ERC2: variants seen among roughly 807,000 people sequenced by gnomAD.
ERC2 encodes the protein ERC protein 2.
Under a neutral mutation model 114.8 loss-of-function variants are expected in ERC2, and 42 were observed. The observed-to-expected ratio is 0.37, with a 90% CI of 0.29 to 0.47. The LOEUF (loss-of-function observed/expected upper bound fraction) is 0.47. ERC2 is among the 20% of genes least tolerant of loss of function. The probability of loss-of-function intolerance (pLI) is 0.99; values close to 1 mark genes in which losing one functional copy is unlikely to be tolerated. For synonymous variants in ERC2, 454 were observed against 425.5 expected, an observed-to-expected ratio of 1.07 and a Z score of -0.82; for missense variants, 939 against 1,150.7, an observed-to-expected ratio of 0.82 and a Z score of 2.66.
chr3:56,057,686 A>T (rs910466825), intron 7 of ERC2, among the ~76,000 whole-genome samples: 1 of 152,226 alleles, frequency 6.6e-6, no homozygotes, highest in African/African-American at 2.4e-5. Flanking sequence ...ACATGTATTG[A>T]TTAAGCTCCT....
chr3:55,863,710 A>G (rs1401861020), intron 14 of ERC2, among the ~76,000 whole-genome samples: 1 of 152,184 alleles, frequency 6.6e-6, no homozygotes, highest in Non-Finnish European at 1.5e-5. Flanking sequence ...CCACATCATA[A>G]AAGTAAAAAG....
intron 8 of ERC2, among the ~76,000 whole-genome samples, chr3:56,015,092 T>A (rs1279439385): frequency 6.6e-6 from 1 of 152,154 alleles, no homozygotes; most frequent in Non-Finnish European, 1.5e-5. Context: ...TCCTCCATGG[T>A]TTTTTTAGCA....
intron 7 of ERC2, among the ~76,000 whole-genome samples, chr3:56,023,660 ATGAG>A (rs1386201981): frequency 6.6e-6 from 1 of 152,114 alleles, no homozygotes; most frequent in Non-Finnish European, 1.5e-5. Flanking sequence ...CAACTTGGCC[ATGAG>A]CACAATGAAG....
At chr3:56,001,618 T>C (rs555340407) in intron 10 of ERC2, among the ~76,000 whole-genome samples, 5 of 152,252 alleles carry the variant, frequency 3.3e-5, no homozygotes, top group African/African-American at 4.8e-5. Context: ...GAAGTAAAAG[T>C]TGATGATGCC....
chr3:56,304,282 G>A (rs536248301), intron 2 of ERC2, among the ~76,000 whole-genome samples: 2 of 152,156 alleles, frequency 1.3e-5, no homozygotes, highest in African/African-American at 4.8e-5. Flanking sequence ...GTACACATAG[G>A]AAATATTTAA....
chr3:55,603,756 C>G (rs1575733768), intron 17 of ERC2, among the ~76,000 whole-genome samples: 1 of 151,136 alleles, frequency 6.6e-6, no homozygotes. Context: ...TCCTGAGATA[C>G]AGTATTTTCA....
At chr3:56,207,201 T>C (rs987525766) in intron 3 of ERC2, among the ~76,000 whole-genome samples, 13 of 152,140 alleles carry the variant, frequency 8.5e-5, no homozygotes, top group African/African-American at 3.1e-4. Context: ...TTTATGATAA[T>C]ATTATGTCTA....
chr3:56,429,317 A>C (rs1034262655), intron 2 of ERC2, among the ~76,000 whole-genome samples: 1 of 152,198 alleles, frequency 6.6e-6, no homozygotes, highest in African/African-American at 2.4e-5. Flanking sequence ...AAAAATAATA[A>C]GGGGCTACCT....
Position 56,334,961 on chromosome 3 carries a change from T to C in ERC2, c.658-38526A>G, listed in dbSNP as rs560394836. Among the ~76,000 whole-genome samples, 30 of 152,290 alleles carry C rather than the reference T, an allele frequency of 2.0e-4. 1 individual carries two copies. Among genetic ancestry groups the C allele is most frequent in the Admixed American group, 1.9e-3 (29 of 15,304 alleles). On this transcript the variant is annotated intron_variant, in intron 2 of 17. Coordinates refer to ENST00000288221, the MANE Select transcript of ERC2 (RefSeq NM_015576.3). ...CTGGGACTACAGGCACGTGCCACCA[T>C]GCCCAGCTAATTTTTGCATATTTAG...
intron 14 of ERC2, among the ~76,000 whole-genome samples, chr3:55,755,259 A>C (rs931374050): frequency 1.3e-5 from 2 of 152,182 alleles, no homozygotes; most frequent in Non-Finnish European, 2.9e-5. Flanking sequence ...TGCCCACTTA[A>C]TCTTGCTTAA....
rs184764968 is a variant in ERC2, at chr3:55,854,661, T to G, written c.2564+33728A>C. On this transcript the variant is annotated intron_variant, in intron 14 of 17. Transcript: ENST00000288221. ...GGTCATGTCAGCCCAGAGCCCTTCC[T>G]ATTGCCAGGATGCTCTTGACAAAAG... is the stretch of plus-strand genomic sequence containing the variant. Among the ~76,000 whole-genome samples the G allele has an allele frequency of 1.8e-4, 27 of 152,280 alleles. No individual in the cohort carries two copies. The East Asian group carries it at 5.2e-3, about 29-fold the overall frequency.
At chr3:55,561,801 C>T (rs778806489) in intron 17 of ERC2, among the ~76,000 whole-genome samples, 4 of 152,126 alleles carry the variant, frequency 2.6e-5, no homozygotes, top group Admixed American at 6.5e-5. Flanking sequence ...CAGACCTGGT[C>T]TATTAAAATG....
chr3:55,965,084 T>A (rs2068653368), intron 12 of ERC2, among the ~76,000 whole-genome samples: 1 of 152,192 alleles, frequency 6.6e-6, no homozygotes, highest in Non-Finnish European at 1.5e-5. Context: ...TTTAAGGGAA[T>A]GGCAACCATC....
chr3:55,599,177 G>C (rs115840031), intron 17 of ERC2, among the ~76,000 whole-genome samples: 1 of 152,286 alleles, frequency 6.6e-6, no homozygotes, highest in East Asian at 1.9e-4. Flanking sequence ...TCCCCTGTGT[G>C]CCAGAAGAAG....
chr3:55,743,230 TGCA>T (rs1301117822), intron 14 of ERC2, among the ~76,000 whole-genome samples: 11 of 147,932 alleles, frequency 7.4e-5, no homozygotes, highest in Non-Finnish European at 7.5e-5. Flanking sequence ...CCTTGCTCAG[TGCA>T]TGAGCCAGGG....
rs184386872 is a variant in ERC2 at position 55,608,385 on chromosome 3, A to G, written c.*39+75409T>C. 8.2e-4 allele frequency among the ~76,000 whole-genome samples: 125 copies of G among 152,348 alleles called. 1 individual carries two copies. Among genetic ancestry groups the G allele is most frequent in the Middle Eastern group, 3.4e-3 (1 of 294 alleles). ...TTTTACAATAAAAATATCCCCGTGC[A>G]TGTGCAAACACCAGAGGCAATCATA... On this transcript the variant is annotated intron_variant, in intron 17 of 17. Coordinates refer to ENST00000288221, the MANE Select transcript of ERC2 (RefSeq NM_015576.3).
intron 3 of ERC2, among the ~76,000 whole-genome samples, chr3:56,193,172 ACTC>A (rs2047894761): frequency 1.3e-5 from 2 of 152,284 alleles, no homozygotes; most frequent in South Asian, 4.1e-4. Flanking sequence ...AACAGTGTGT[ACTC>A]CTTGTTTTAA....
intron 6 of ERC2, among the ~76,000 whole-genome samples, chr3:56,085,416 G>T (rs1461355067): frequency 6.6e-6 from 1 of 152,288 alleles, no homozygotes; most frequent in Admixed American, 6.5e-5. Flanking sequence ...TGTGACTGGG[G>T]AGGAGAACGG....
intron 14 of ERC2, among the ~76,000 whole-genome samples, chr3:55,806,307 T>A (rs2059487795): frequency 6.9e-6 from 1 of 145,778 alleles, no homozygotes; most frequent in Non-Finnish European, 1.5e-5. Context: ...TGCACTCCAG[T>A]CTGGGAGCAA....
Sources: gnomAD v4.1 joint callset for allele counts (sites outside exome capture counted in the v4.1 genomes callset) on GRCh38, gnomAD v4.1.1 for gene constraint, MANE v1.5 for transcripts, NCBI Gene and HGNC (gene_info 2026-07-23, HGNC 2026-07-21) for gene names.